The following CDH23 variants were observed in gnomAD, a reference collection of about 807,000 sequenced individuals.
The protein encoded by CDH23 is cadherin related 23.
CDH23 carries 189 observed loss-of-function variants against 317.1 expected under a neutral mutation model. The ratio of observed to expected loss-of-function variants is 0.60; its 90% CI spans 0.53 to 0.67. The LOEUF (loss-of-function observed/expected upper bound fraction) is 0.67. Among genes scored for constraint, CDH23 ranks in the 30% least tolerant of loss-of-function variants. CDH23 has a pLI of 0.00. For missense variants in CDH23, 4,401 were observed against 4,592.4 expected (o/e 0.96, Z 1.20); for synonymous variants, 1,839 against 1,876.8 (o/e 0.98, Z 0.52).
rs1474799687 is a variant in CDH23, at chr10:71,678,207, T to C, written c.1752+514T>C. Among the ~76,000 whole-genome samples, 3 of 152,082 alleles carry C rather than the reference T, an allele frequency of 2.0e-5. No individual in the cohort carries two copies. The East Asian group carries it at 5.8e-4, about 29-fold the overall frequency. ...GCATTGAGTGGGGAGCAGTTCCCTG[T>C]GTCAGGACCTCCTCCAAGCCCTTTA... On this transcript the variant is annotated intron_variant, in intron 16 of 69. Coordinates refer to ENST00000224721, the MANE Select transcript of CDH23 (RefSeq NM_022124.6).
intron 7 of CDH23, among the ~76,000 whole-genome samples, chr10:71,569,985 C>G (rs552684746): frequency 2.0e-5 from 3 of 152,184 alleles, no homozygotes; most frequent in East Asian, 1.9e-4. Flanking sequence ...ACAACAGCCT[C>G]GAACTCCTGG....
chr10:71,762,701 G>C lies in CDH23; in HGVS notation c.4846-14979G>C, dbSNP rs145729881. ...TGAAGGAGGGAGAGTCTTTGGACTT[G>C]GTGCATAGATAGGATTTCAGCCAGT... is the stretch of plus-strand genomic sequence containing the variant. On this transcript the variant is annotated intron_variant, in intron 38 of 69. Transcript: ENST00000224721. Among the ~76,000 whole-genome samples, 565 of 152,340 alleles carry C rather than the reference G, an allele frequency of 3.7e-3. 6 individuals carry two copies. The highest frequency in any genetic ancestry group is 0.013 in the African/African-American group (528 of 41,580).
chr10:71,735,314 G>T (rs1160115620), intron 34 of CDH23, among the ~76,000 whole-genome samples: 6 of 152,214 alleles, frequency 3.9e-5, no homozygotes, highest in Admixed American at 3.9e-4. Flanking sequence ...AGGCAGAGAA[G>T]ACCATGTGCT....
intron 9 of CDH23, among the ~76,000 whole-genome samples, chr10:71,586,438 C>T (rs1024248640): frequency 1.3e-5 from 2 of 152,292 alleles, no homozygotes; most frequent in East Asian, 1.9e-4. Context: ...TTGATTTAAA[C>T]GTAATTCTCG....
intron 4 of CDH23, among the ~76,000 whole-genome samples, chr10:71,510,701 A>G (rs929298340): frequency 6.6e-6 from 1 of 152,170 alleles, no homozygotes; most frequent in Non-Finnish European, 1.5e-5. Flanking sequence ...AGCATCTTAG[A>G]GGCAGAGCCA....
chr10:71,793,688 G>C, intron 48 of CDH23, 48 bp downstream of exon 48: 3 of 1,340,988 alleles, frequency 2.2e-6, no homozygotes, highest in Non-Finnish European at 2.0e-6. Flanking sequence ...TCCCAGTCCT[G>C]TCTCCTCGCT....
rs1441559002 is a variant in CDH23 at position 71,811,288 on chromosome 10, G to A, written c.9078-27G>A. 2.5e-6 allele frequency: 4 copies of A among 1,613,650 alleles called. No homozygotes were observed. The Admixed American group carries it at 6.7e-5, about 27-fold the overall frequency. ...GTGGTGGGGGAATGGCTGAGGAGGA[G>A]AGCTGAGACCCCTGCCCCTCGCCCA... On this transcript the variant is annotated intron_variant, in intron 62 of 69. Transcript: ENST00000224721.
rs1432932736 is a variant in CDH23, at chr10:71,608,509, C to A, written c.833-6995C>A. Among the ~76,000 whole-genome samples, 7 of 152,334 alleles carry A rather than the reference C, an allele frequency of 4.6e-5. No individual in the cohort carries two copies. In the East Asian group the frequency reaches 7.7e-4, roughly 17 times the overall value. On this transcript the variant is annotated intron_variant, in intron 9 of 69. Transcript: ENST00000224721. ...TCTTCTCTCCCCTGCGGCCCCAACA[C>A]AGGACTAGGCCCCAAGTATGCCGCT... is the stretch of plus-strand genomic sequence containing the variant.
rs1865306839 is a variant in CDH23, at chr10:71,694,585, A to G, written c.2289+326A>G. On this transcript the variant is annotated intron_variant, in intron 21 of 69. Coordinates refer to ENST00000224721, the MANE Select transcript of CDH23 (RefSeq NM_022124.6). ...CTCCTTGCCTTGGTGCCTGTCAACA[A>G]AGCAGAAGCAGGCATTCCTGCGAGG... is the stretch of plus-strand genomic sequence containing the variant. Among the ~76,000 whole-genome samples, 3 of 152,112 alleles carry G rather than the reference A, an allele frequency of 2.0e-5. No individual in the cohort carries two copies. The South Asian group carries it at 6.2e-4, about 32-fold the overall frequency.
intron 41 of CDH23, 74 bp from the exon 42 acceptor site, chr10:71,784,213 G>GTT: frequency 6.7e-7 from 1 of 1,499,554 alleles, no homozygotes; most frequent in Non-Finnish European, 9.0e-7. Context: ...GCTAGAGGAA[G>GTT]CAGAAGGAGT....
At position 71,734,275 on chromosome 10, in the gene CDH23, G is replaced by A. The variant is rs371538838; in HGVS notation, c.4140G>A (p.Glu1380=). The A allele has an allele frequency of 5.6e-6, 9 of 1,612,338 alleles. No homozygotes were observed. The African/African-American group carries it at 1.1e-4, about 19-fold the overall frequency. ...VITVQGLVDR[E]KGDFYTLTVV... is the part of the protein sequence containing the mutation. ...CAGTCCAGGGCCTGGTGGACCGTGA[G>A]AAGGGCGACTTCTATACCTTGACAG... The change falls in exon 33 of 70, where the codon GAG becomes GAA. Residue 1380 remains glutamate, a synonymous_variant. Coordinates refer to ENST00000224721, the MANE Select transcript of CDH23 (RefSeq NM_022124.6).
At position 71,550,559 on chromosome 10, in the gene CDH23, C is replaced by CAA. The variant is rs1222399834; in HGVS notation, c.430-16166_430-16165dup. Among the ~76,000 whole-genome samples, 145 of 44,496 alleles carry CAA rather than the reference C, an allele frequency of 3.3e-3. 2 individuals are homozygous for CAA. The highest frequency in any genetic ancestry group is 6.4e-3 in the East Asian group (6 of 940). The allele number at this position is 44,496 out of a possible 152,430, so 29.2% of individuals were successfully genotyped here. ...TGGGCAACAGAGTGAGACCCTGTCT[C>CAA]AAAAAAAAAAAAAAAAAAGAAAAAA... On this transcript the variant is annotated intron_variant, in intron 6 of 69. Transcript: ENST00000224721.
At chr10:71,634,850 C>T (rs532784778) in intron 11 of CDH23, among the ~76,000 whole-genome samples, 15 of 152,396 alleles carry the variant, frequency 9.8e-5, no homozygotes, top group Non-Finnish European at 2.1e-4. Flanking sequence ...AAAGCTTGCC[C>T]TTTGGCCATA....
At chr10:71,672,774 A>G (rs1045462897) in intron 14 of CDH23, among the ~76,000 whole-genome samples, 23 of 152,238 alleles carry the variant, frequency 1.5e-4, no homozygotes, top group African/African-American at 5.5e-4. Flanking sequence ...CAGCTGCTCC[A>G]GGCCCCAGGG....
At chr10:71,723,986 C>A (rs887360491) in intron 28 of CDH23, 59 bp from the exon 29 acceptor site, 2 of 1,538,452 alleles carry the variant, frequency 1.3e-6, no homozygotes, top group Admixed American at 2.0e-5. Flanking sequence ...ACTCTAAAAA[C>A]CTCTTCTCTC....
In CDH23 at chr10:71,778,307, C is replaced by T. The variant is rs545173038; in HGVS notation, c.5186C>T (p.Thr1729Met). The T allele has an allele frequency of 1.1e-5, 17 of 1,613,942 alleles. No homozygotes were observed. Among genetic ancestry groups the T allele is most frequent in the East Asian group, 4.5e-5 (2 of 44,880 alleles). Reference protein sequence around the residue: ...ILSHRLTSTTTVLVNVNDIND... With the variant: ...ILSHRLTSTTMVLVNVNDIND... ...TCCCACCGCCTCACCTCTACCACCACGGTGGGTGCATGGGACACAGCCCCA... is the reference window on the plus strand; with the variant it reads ...TCCCACCGCCTCACCTCTACCACCATGGTGGGTGCATGGGACACAGCCCCA... The change falls in exon 40 of 70, where the codon ACG becomes ATG. Residue 1729 changes from threonine to methionine, a missense_variant and splice_region_variant. Around this residue, in one of 3 missense-constraint regions of CDH23, gnomAD observed 3,068 missense variants for 3,203.3 expected, o/e 0.96. Coordinates refer to ENST00000224721, the MANE Select transcript of CDH23 (RefSeq NM_022124.6).
intron 14 of CDH23, among the ~76,000 whole-genome samples, chr10:71,669,128 C>T (rs11593767): frequency 0.024 from 3,697 of 152,320 alleles, 61 homozygotes; most frequent in Non-Finnish European, 0.041. Flanking sequence ...TTGATCTTCA[C>T]AGATCTTCCC....
intron 8 of CDH23, among the ~76,000 whole-genome samples, chr10:71,575,945 A>G (rs1046567480): frequency 1.3e-5 from 2 of 152,186 alleles, no homozygotes; most frequent in Non-Finnish European, 2.9e-5. Flanking sequence ...AAAAAGATGA[A>G]ACCCCAAACT....
chr10:71,446,833 G>A (rs1340796606), intron 3 of CDH23, among the ~76,000 whole-genome samples: 1 of 152,144 alleles, frequency 6.6e-6, no homozygotes, highest in Non-Finnish European at 1.5e-5. Flanking sequence ...TCAGCCCGTC[G>A]CCCCATCACT....
Sources: allele counts gnomAD v4.1 joint callset (sites outside exome capture counted in the v4.1 genomes callset), GRCh38; gene constraint gnomAD v4.1.1; regional missense constraint gnomAD v4.1.1; transcripts MANE v1.5; gene names NCBI Gene and HGNC (gene_info 2026-07-23, HGNC 2026-07-21).